FXR1: variants seen among roughly 807,000 people sequenced by gnomAD.
FXR1 encodes the protein FMR1 autosomal homolog 1.
In FXR1, 15 loss-of-function variants were observed where a neutral mutation model predicts 84.0. The observed-to-expected ratio is 0.18, with a 90% CI of 0.12 to 0.27. The LOEUF is 0.27. Ranked by LOEUF, FXR1 falls within the 10% of genes least tolerant of loss-of-function variation. FXR1 has a pLI of 1.00. For missense variants in FXR1, 480 were observed against 774.4 expected (o/e 0.62, Z 4.51); for synonymous variants, 245 against 250.7 (o/e 0.98, Z 0.21).
chr3:180,926,499 TATATA>T (rs1326119472), intron 1 of FXR1, among the ~76,000 whole-genome samples: 8,188 of 101,374 alleles, frequency 0.081, 563 homozygotes, highest in African/African-American at 0.25. Context: ...TATATATATA[TATATA>T]TATTTTTTTT....
At chr3:180,939,475 A>G (rs1720891270) in intron 3 of FXR1, among the ~76,000 whole-genome samples, 1 of 152,144 alleles carries the variant, frequency 6.6e-6, no homozygotes, top group Non-Finnish European at 1.5e-5. Context: ...GGAACTGCCA[A>G]ATGAAAGAGA....
At chr3:180,957,611 C>A (rs1163570451) in intron 9 of FXR1, 12 of 457,130 alleles carry the variant, frequency 2.6e-5, no homozygotes, top group Non-Finnish European at 4.7e-5. Context: ...CAGTTAGTAA[C>A]CTTAGGCGTG....
chr3:180,918,572 C>CT (rs1258126494), intron 1 of FXR1, among the ~76,000 whole-genome samples: 3 of 152,166 alleles, frequency 2.0e-5, no homozygotes, highest in African/African-American at 7.2e-5. Flanking sequence ...GTCAAATTAG[C>CT]TTTTTTGTAG....
intron 9 of FXR1, chr3:180,957,403 A>G (rs941220801): frequency 6.5e-6 from 1 of 152,858 alleles, no homozygotes; most frequent in South Asian, 2.1e-4. Flanking sequence ...AAATAAAAGC[A>G]AGATTGATGA....
rs1382880855 is a variant in FXR1 at position 180,946,064 on chromosome 3, CTG to C, written c.199-1799_199-1798del. Among the ~76,000 whole-genome samples, 7 of 152,142 alleles carry C rather than the reference CTG, an allele frequency of 4.6e-5. No homozygotes were observed. The South Asian group carries it at 1.5e-3, about 32-fold the overall frequency. ...CTCTAATAATTAGAAAGGCCTTCCT[CTG>C]TAAATTTTTCTTCTCTTCGCAATTA... On this transcript the variant is annotated intron_variant, in intron 3 of 16. Coordinates refer to ENST00000357559, the MANE Select transcript of FXR1 (RefSeq NM_005087.4).
intron 1 of FXR1, among the ~76,000 whole-genome samples, chr3:180,930,353 G>C (rs537139379): frequency 2.0e-4 from 30 of 152,290 alleles, no homozygotes; most frequent in African/African-American, 6.7e-4. Flanking sequence ...TATGGTGGAA[G>C]CGTTTGTGGG....
At chr3:180,959,960 A>C (rs1218906882) in intron 10 of FXR1, among the ~76,000 whole-genome samples, 1 of 152,216 alleles carries the variant, frequency 6.6e-6, no homozygotes, top group African/African-American at 2.4e-5. Context: ...TTTAGAACAA[A>C]AAAATCCCTA....
chr3:180,937,558 A>T (rs1250063533), intron 3 of FXR1, among the ~76,000 whole-genome samples: 1 of 152,134 alleles, frequency 6.6e-6, no homozygotes, highest in Admixed American at 6.6e-5. Context: ...GCTCTGGTCA[A>T]ATTTGCTCTC....
In FXR1 at chr3:180,981,244, C is replaced by G. The variant is rs889148356; in HGVS notation, c.*4952C>G. On this transcript the variant is annotated 3_prime_UTR_variant, in exon 17 of 17. Coordinates refer to ENST00000357559, the MANE Select transcript of FXR1 (RefSeq NM_005087.4). Reference sequence around the variant, plus strand: ...ATTTTATTTTTAGACATTTCTGATACTAGGTTTTCTTTACGGGGGGGCATA... The same window carrying G: ...ATTTTATTTTTAGACATTTCTGATAGTAGGTTTTCTTTACGGGGGGGCATA... 2 of 151,898 alleles carry G rather than the reference C, an allele frequency of 1.3e-5. No homozygotes were observed. Among genetic ancestry groups the G allele is most frequent in the Non-Finnish European group, 2.9e-5 (2 of 67,916 alleles). The allele number at this position is 151,898 out of a possible 1,614,324, so 9.4% of individuals were successfully genotyped here. A position where few individuals can be genotyped will look rare whatever the true frequency, so the allele number is the denominator to read the frequency against.
chr3:180,936,109 C>T (rs1720495159), intron 3 of FXR1, among the ~76,000 whole-genome samples: 1 of 151,630 alleles, frequency 6.6e-6, no homozygotes, highest in Non-Finnish European at 1.5e-5. Flanking sequence ...CCAGGCTGTT[C>T]TCGAACTCCT....
At chr3:180,913,582 A>G (rs950398955) in intron 1 of FXR1, among the ~76,000 whole-genome samples, 12 of 152,190 alleles carry the variant, frequency 7.9e-5, no homozygotes, top group Admixed American at 7.9e-4. Flanking sequence ...ATCCATTACT[A>G]TGGAATCGGG....
chr3:180,912,699 C>A lies in FXR1; in HGVS notation c.14C>A (p.Thr5Lys). Residue 5 changes from threonine to lysine, a missense_variant, in exon 1 of 17, where the codon ACG becomes AAG. Physicochemically the swap from Thr to Lys is moderately conservative, Grantham distance 78. Around this residue, in one of 6 missense-constraint regions of FXR1, gnomAD observed 54 missense variants for 74.2 expected, o/e 0.73. Coordinates refer to ENST00000357559, the MANE Select transcript of FXR1 (RefSeq NM_005087.4). ...TGCGGTTCCAACATGGCGGAGCTGA[C>A]GGTGGAGGTTCGCGGCTCTAACGGG... Reference protein sequence around the residue: MAELTVEVRGSNGAF... With the variant: MAELKVEVRGSNGAF... The A allele has an allele frequency of 6.2e-7, 1 of 1,613,728 alleles. No homozygotes were observed. The highest frequency in any genetic ancestry group is 8.5e-7 in the Non-Finnish European group (1 of 1,179,820).
chr3:180,960,562 C>T (rs1711966467), intron 10 of FXR1, among the ~76,000 whole-genome samples: 2 of 152,122 alleles, frequency 1.3e-5, no homozygotes, highest in South Asian at 4.1e-4. Flanking sequence ...GCCTCCCAGG[C>T]TCAAGCTATC....
chr3:180,935,754 G>GA lies in FXR1; in HGVS notation c.198+526dup, dbSNP rs1393700457. 1.3e-5 allele frequency among the ~76,000 whole-genome samples: 2 copies of GA among 152,126 alleles called. 1 individual carries two copies. The highest frequency in any genetic ancestry group is 2.9e-5 in the Non-Finnish European group (2 of 68,032). ...AAAGCAAAAAAAATACAGGAGGAGG[G>GA]AAAGAAAAATCACAGCTCACAGATG... On this transcript the variant is annotated intron_variant, in intron 3 of 16. Coordinates refer to ENST00000357559, the MANE Select transcript of FXR1 (RefSeq NM_005087.4).
intron 8 of FXR1, among the ~76,000 whole-genome samples, chr3:180,952,828 C>CTT (rs371547296): frequency 4.2e-4 from 51 of 121,480 alleles, no homozygotes; most frequent in African/African-American, 9.4e-4. Flanking sequence ...ATTTTATTTG[C>CTT]TTTTTTTTTT....
chr3:180,966,714 T>G (rs919689476), intron 13 of FXR1, among the ~76,000 whole-genome samples: 1 of 152,164 alleles, frequency 6.6e-6, no homozygotes, highest in African/African-American at 2.4e-5. Context: ...TGGCACAGTC[T>G]GTGATAGATG....
intron 1 of FXR1, among the ~76,000 whole-genome samples, chr3:180,912,969 A>G (rs557225872): frequency 7.2e-5 from 11 of 152,042 alleles, no homozygotes; most frequent in South Asian, 4.2e-4. Context: ...TTTCCTAGTT[A>G]TGAACCCTCT....
intron 9 of FXR1, among the ~76,000 whole-genome samples, chr3:180,956,013 A>G (rs1722709921): frequency 6.6e-6 from 1 of 152,192 alleles, no homozygotes; most frequent in Admixed American, 6.5e-5. Context: ...GTAAAAATAC[A>G]GTGTTTCCCT....
Position 180,968,074 on chromosome 3 carries a change from C to T in FXR1, c.1222C>T (p.Pro408Ser). 3 of 1,611,592 alleles carry T rather than the reference C, an allele frequency of 1.9e-6. No homozygotes were observed. Among genetic ancestry groups the T allele is most frequent in the Non-Finnish European group, 2.5e-6 (3 of 1,177,838 alleles). Reference sequence around the variant, plus strand: ...AGGTACAAATTCTGAGCTGTCTAACCCCTCTGAAACGGAATCTGAGCGTAA... The same window carrying T: ...AGGTACAAATTCTGAGCTGTCTAACTCCTCTGAAACGGAATCTGAGCGTAA... ...GYGTNSELSN[P>S]SETESERKDE... The change falls in exon 14 of 17, where the codon CCC becomes TCC. Residue 408 changes from proline (P) to serine (S), a missense_variant. Physicochemically the swap from Pro to Ser is moderately conservative, Grantham distance 74. Transcript: ENST00000357559.
Sources: gnomAD v4.1 joint callset for allele counts (sites outside exome capture counted in the v4.1 genomes callset) on GRCh38, gnomAD v4.1.1 for gene constraint, gnomAD v4.1.1 regional missense constraint, MANE v1.5 for transcripts, NCBI Gene and HGNC (gene_info 2026-07-23, HGNC 2026-07-21) for gene names.